Variants in CXorf58 observed in about 807,000 individuals in gnomAD.
The protein encoded by CXorf58 is chromosome X open reading frame 58.
A neutral mutation model predicts 26.0 loss-of-function variants in CXorf58; 24 were observed. The ratio of observed to expected loss-of-function variants is 0.92; its 90% CI spans 0.67 to 1.30. The LOEUF (loss-of-function observed/expected upper bound fraction) is 1.30, where lower values mean the gene tolerates loss of function less well. Ranked by LOEUF, CXorf58 falls within the 50% of genes most tolerant of loss-of-function variation. The pLI is 0.00. For missense variants in CXorf58, 236 were observed against 263.9 expected, an observed-to-expected ratio of 0.89 and a Z score of 0.73; for synonymous variants, 87 against 86.1, an observed-to-expected ratio of 1.01 and a Z score of -0.06.
chrX:23,916,216 G>C lies in CXorf58; in HGVS notation c.312-1G>C, dbSNP rs759675326. ...TAACTAAATTTTTATCTTTATTTCA[G>C]ATTTAGAGGTGAAACGTTTCCACCT... On this transcript the variant is annotated splice_acceptor_variant, in intron 4 of 8. Coordinates refer to ENST00000379211, the MANE Select transcript of CXorf58 (RefSeq NM_152761.3). LOFTEE classifies it high-confidence loss of function. The C allele has an allele frequency of 3.5e-6, 4 of 1,152,391 alleles. No homozygotes were observed. The Admixed American group carries it at 9.6e-5, about 28-fold the overall frequency. The allele number at this position is 1,152,391 out of a possible 1,213,427, so 95.0% of individuals were successfully genotyped here.
chrX:23,928,086 G>A (rs1928061506), intron 6 of CXorf58, among the ~76,000 whole-genome samples: 1 of 111,533 alleles, frequency 9.0e-6, no homozygotes, highest in South Asian at 3.8e-4. Context: ...AGGAATTTGG[G>A]GGTTCTTTTG....
intron 6 of CXorf58, among the ~76,000 whole-genome samples, chrX:23,930,917 A>C (rs770490121): frequency 6.1e-4 from 68 of 111,276 alleles, no homozygotes; most frequent in Non-Finnish European, 1.1e-3. Flanking sequence ...TTTAAATTAA[A>C]GTATGTACAT....
intron 5 of CXorf58, among the ~76,000 whole-genome samples, chrX:23,917,481 G>A (rs1474860053): frequency 1.8e-5 from 2 of 109,503 alleles, no homozygotes; most frequent in East Asian, 3.0e-4. Flanking sequence ...GCAATGGTGC[G>A]ATCTCAGCTC....
At chrX:23,921,023 AT>A (rs962659971) in intron 5 of CXorf58, among the ~76,000 whole-genome samples, 10 of 111,530 alleles carry the variant, frequency 9.0e-5, no homozygotes, top group African/African-American at 3.3e-4. Flanking sequence ...TGAAGGATAA[AT>A]TTATGCCACA....
At chrX:23,924,704 A>T (rs1192361921) in intron 5 of CXorf58, among the ~76,000 whole-genome samples, 1 of 109,063 alleles carries the variant, frequency 9.2e-6, no homozygotes, top group Non-Finnish European at 1.9e-5. Flanking sequence ...TAGGAGATAT[A>T]CCTAATGTTA....
intron 5 of CXorf58, among the ~76,000 whole-genome samples, chrX:23,919,168 C>A (rs1305410903): frequency 8.9e-6 from 1 of 111,861 alleles, no homozygotes; most frequent in African/African-American, 3.2e-5. Flanking sequence ...CTACCCTGAT[C>A]TATCTCTCTA....
chrX:23,908,057 G>C lies in CXorf58; in HGVS notation c.-293G>C, dbSNP rs1927456989. 5.9e-6 allele frequency: 1 copy of C among 170,751 alleles called. No individual in the cohort carries two copies. The highest frequency in any genetic ancestry group is 1.1e-5 in the Non-Finnish European group (1 of 90,231). 14.1% of individuals were successfully genotyped at this position (170,751 alleles called of 1,213,427 possible). On this transcript the variant is annotated 5_prime_UTR_variant, in exon 1 of 9. Coordinates refer to ENST00000379211, the MANE Select transcript of CXorf58 (RefSeq NM_152761.3). ...GGGAGGCGCCTGGCGTTGCCGCGGC[G>C]CTGGGAAACTGTCTTTGCAGCGGCG...
chrX:23,933,059 G>T (rs781067188), intron 6 of CXorf58, among the ~76,000 whole-genome samples: 1 of 111,183 alleles, frequency 9.0e-6, no homozygotes, highest in Non-Finnish European at 1.9e-5. Flanking sequence ...ACTTGGTGAG[G>T]CAGAGGCCGG....
intron 5 of CXorf58, among the ~76,000 whole-genome samples, chrX:23,917,476 G>A (rs1290646104): frequency 1.8e-5 from 2 of 110,378 alleles, no homozygotes; most frequent in African/African-American, 6.6e-5. Flanking sequence ...GGAGTGCAAT[G>A]GTGCGATCTC....
At chrX:23,937,039 A>G (rs1220737857) in intron 7 of CXorf58, among the ~76,000 whole-genome samples, 1 of 112,516 alleles carries the variant, frequency 8.9e-6, no homozygotes, top group African/African-American at 3.2e-5. Flanking sequence ...TCAATTGAAG[A>G]GAAAAAATAC....
At chrX:23,917,480 C>T (rs988786095) in intron 5 of CXorf58, among the ~76,000 whole-genome samples, 15 of 106,227 alleles carry the variant, frequency 1.4e-4, no homozygotes, top group South Asian at 4.3e-4. Flanking sequence ...TGCAATGGTG[C>T]GATCTCAGCT....
rs191604653 is a variant in CXorf58, at chrX:23,921,027, A to G, written c.423+4699A>G. 4.5e-5 allele frequency among the ~76,000 whole-genome samples: 5 copies of G among 111,590 alleles called. No homozygotes were observed. The Admixed American group carries it at 4.8e-4, about 11-fold the overall frequency. The stretch of plus-strand genomic sequence containing the variant: ...TTTATCCTACTTGAAGGATAAATTT[A>G]TGCCACATTTATGTATAGAATAAGC... On this transcript the variant is annotated intron_variant, in intron 5 of 8. Transcript: ENST00000379211.
At chrX:23,911,911 T>A in intron 3 of CXorf58, 55 bp downstream of exon 3, 1 of 843,587 alleles carries the variant, frequency 1.2e-6, no homozygotes, top group South Asian at 2.2e-5. Flanking sequence ...AGCTAAAAGA[T>A]CTATTAATTA....
chrX:23,925,174 A>G (rs1293904810), intron 5 of CXorf58, among the ~76,000 whole-genome samples: 1 of 111,376 alleles, frequency 9.0e-6, no homozygotes, highest in Non-Finnish European at 1.9e-5. Flanking sequence ...CATTTTCTAC[A>G]TGTGTCTGTG....
intron 6 of CXorf58, among the ~76,000 whole-genome samples, chrX:23,927,935 C>G: frequency 2.7e-5 from 3 of 111,680 alleles, no homozygotes; most frequent in Middle Eastern, 9.2e-3. Flanking sequence ...ACCCTGCATC[C>G]AGTAAGCAGT....
At chrX:23,916,459 T>C in intron 5 of CXorf58, 131 bp downstream of exon 5, 1 of 394,863 alleles carries the variant, frequency 2.5e-6, no homozygotes. Flanking sequence ...TAGTGTGTTT[T>C]TTTTTAAGCA....
At chrX:23,913,722 T>C (rs995956228) in intron 3 of CXorf58, among the ~76,000 whole-genome samples, 3 of 108,940 alleles carry the variant, frequency 2.8e-5, no homozygotes, top group African/African-American at 1.0e-4. Context: ...CCGGTCAACA[T>C]GGTGAAACCC....
intron 4 of CXorf58, 72 bp downstream of exon 4, chrX:23,915,866 T>A: frequency 3.5e-6 from 2 of 574,754 alleles, no homozygotes; most frequent in Non-Finnish European, 5.6e-6. Flanking sequence ...ATGGATTTTT[T>A]AAATTCTTGT....
At chrX:23,935,173 T>G in intron 6 of CXorf58, 23 bp from the exon 7 acceptor site, 1 of 1,161,549 alleles carries the variant, frequency 8.6e-7, no homozygotes, top group East Asian at 3.0e-5. Context: ...GCCAACTTAA[T>G]CGTTCTTGTT....
Sources: allele counts gnomAD v4.1 joint callset (sites outside exome capture counted in the v4.1 genomes callset), GRCh38; gene constraint gnomAD v4.1.1; transcripts MANE v1.5; gene names NCBI Gene and HGNC (gene_info 2026-07-23, HGNC 2026-07-21).